BCAR3: variants seen among roughly 807,000 people sequenced by gnomAD.
BCAR3 encodes the protein BCAR3 adaptor protein, NSP family member, also known as breast cancer anti-estrogen resistance protein 3.
In BCAR3, 37 loss-of-function variants were observed where a neutral mutation model predicts 80.1. The observed-to-expected ratio is 0.46, with a 90% confidence interval of 0.36 to 0.61. The LOEUF is 0.61. Among genes scored for constraint, BCAR3 ranks in the 20% least tolerant of loss-of-function variants. The pLI is 0.00. For synonymous variants in BCAR3, 389 were observed against 418.9 expected (o/e 0.93, Z 0.87); for missense variants, 978 against 1,068.2 (o/e 0.92, Z 1.18).
chr1:93,786,309 T>C (rs1338893590), intron 2 of BCAR3, among the ~76,000 whole-genome samples: 1 of 148,786 alleles, frequency 6.7e-6, no homozygotes, highest in Non-Finnish European at 1.5e-5. Flanking sequence ...CCCTGTGGAG[T>C]GCAGAGGACC....
chr1:93,674,552 A>G, intron 2 of BCAR3, 62 bp downstream of exon 2: 1 of 1,561,132 alleles, frequency 6.4e-7, no homozygotes, highest in South Asian at 1.2e-5. Flanking sequence ...GCCCGGCCAT[A>G]AAAACCTTTT....
chr1:93,626,410 A>C (rs1002226426), intron 3 of BCAR3, among the ~76,000 whole-genome samples: 38 of 152,200 alleles, frequency 2.5e-4, no homozygotes, highest in Non-Finnish European at 2.5e-4. Flanking sequence ...TTAAGTAGCA[A>C]AAGACCCTCT....
intron 3 of BCAR3, among the ~76,000 whole-genome samples, chr1:93,635,394 T>C (rs1211133360): frequency 6.6e-6 from 1 of 152,180 alleles, no homozygotes; most frequent in Non-Finnish European, 1.5e-5. Context: ...TACGGACATG[T>C]GTTTTCATAA....
chr1:93,583,645 C>T (rs930510005), intron 6 of BCAR3, among the ~76,000 whole-genome samples: 6 of 152,118 alleles, frequency 3.9e-5, no homozygotes, highest in Admixed American at 1.3e-4. Context: ...CCCGCCCACC[C>T]GGGAAAAGGG....
intron 3 of BCAR3, among the ~76,000 whole-genome samples, chr1:93,631,098 G>T (rs1462426807): frequency 2.0e-5 from 3 of 152,208 alleles, no homozygotes; most frequent in Non-Finnish European, 4.4e-5. Flanking sequence ...GGCTCCAAAG[G>T]TTGCAGGGAG....
Position 93,582,804 on chromosome 1 carries a change from A to T in BCAR3, c.1183T>A (p.Ser395Thr). The change falls in exon 7 of 12, where the codon TCA becomes ACA. Residue 395 changes from serine to threonine, a missense_variant. By Grantham distance (58) the Ser-to-Thr change is moderately conservative. Transcript: ENST00000260502. Reference sequence around the variant, plus strand: ...GGCTTAGGGCACAGTTGACTGTCTGATCCCCTCAGCGCCTCCCCAGCCCTG... The same window carrying T: ...GGCTTAGGGCACAGTTGACTGTCTGTTCCCCTCAGCGCCTCCCCAGCCCTG... ...DARAGEALRG[S>T]DSQLCPKPPP... The T allele has an allele frequency of 2.5e-6, 4 of 1,613,948 alleles. No homozygotes were observed. The highest frequency in any genetic ancestry group is 3.4e-6 in the Non-Finnish European group (4 of 1,180,008).
intron 2 of BCAR3, among the ~76,000 whole-genome samples, chr1:93,708,168 T>C (rs913906723): frequency 4.3e-4 from 66 of 152,176 alleles, no homozygotes; most frequent in African/African-American, 1.5e-3. Context: ...ATATAGAACC[T>C]GAATAGAGAA....
At chr1:93,743,607 T>C (rs1437346317) in intron 2 of BCAR3, among the ~76,000 whole-genome samples, 2 of 152,244 alleles carry the variant, frequency 1.3e-5, no homozygotes, top group Non-Finnish European at 2.9e-5. Flanking sequence ...TTGAGACACC[T>C]GTCTAATTTG....
At chr1:93,729,011 C>G (rs1438322110) in intron 2 of BCAR3, among the ~76,000 whole-genome samples, 1 of 152,162 alleles carries the variant, frequency 6.6e-6, no homozygotes. Flanking sequence ...TTAAAAGGAC[C>G]ATGCTCTTCC....
chr1:93,616,763 G>A (rs1675141124), intron 3 of BCAR3, among the ~76,000 whole-genome samples: 1 of 152,190 alleles, frequency 6.6e-6, no homozygotes, highest in Non-Finnish European at 1.5e-5. Context: ...TTCGGGATAG[G>A]GGAGGGCATT....
chr1:93,674,715 G>A lies in BCAR3; in HGVS notation c.216C>T (p.Thr72=), dbSNP rs1010012855. ...RSCDDFSHMG[T]LPHSKSPRQN... ...GCCGTGGGGATTTGGAGTGGGGGAGGGTGCCCATGTGACTGAAGTCATCAC... is the reference window on the plus strand; with the variant it reads ...GCCGTGGGGATTTGGAGTGGGGGAGAGTGCCCATGTGACTGAAGTCATCAC... The change falls in exon 2 of 12, where the codon ACC becomes ACT. Residue 72 remains threonine, a synonymous_variant. Coordinates refer to ENST00000260502, the MANE Select transcript of BCAR3 (RefSeq NM_003567.4). The A allele has an allele frequency of 1.9e-6, 3 of 1,614,026 alleles. No homozygotes were observed. Among genetic ancestry groups the A allele is most frequent in the African/African-American group, 1.3e-5 (1 of 75,010 alleles).
chr1:93,775,874 A>G (rs11799798), intron 2 of BCAR3, among the ~76,000 whole-genome samples: 2,734 of 152,328 alleles, frequency 0.018, 74 homozygotes, highest in African/African-American at 0.063. Context: ...GACTCCAGGA[A>G]GTAGAACTGG....
chr1:93,834,029 T>A (rs957302679), intron 2 of BCAR3, among the ~76,000 whole-genome samples: 1 of 152,186 alleles, frequency 6.6e-6, no homozygotes, highest in African/African-American at 2.4e-5. Flanking sequence ...CAAATGTCCA[T>A]GAAATCTTCA....
rs762390483 is a variant in BCAR3, at chr1:93,582,330, C to T, written c.1657G>A (p.Ala553Thr). 7 of 1,614,080 alleles carry T rather than the reference C, an allele frequency of 4.3e-6. No individual in the cohort carries two copies. The highest frequency in any genetic ancestry group is 2.2e-5 in the East Asian group (1 of 44,876). The part of the protein sequence containing the change: ...LFTNNDPKVI[A>T]QHVLSMDCRV... Reference sequence around the variant, plus strand: ...CAGTCCATGCTCAGTACGTGCTGGGCGATGACCTTGGGGTCGTTGTTGGTG... The same window carrying T: ...CAGTCCATGCTCAGTACGTGCTGGGTGATGACCTTGGGGTCGTTGTTGGTG... The change falls in exon 7 of 12, where the codon GCC (alanine) becomes ACC (threonine). Residue 553 changes from alanine to threonine, a missense_variant. Transcript: ENST00000260502.
intron 2 of BCAR3, among the ~76,000 whole-genome samples, chr1:93,831,956 A>C (rs1202696987): frequency 6.6e-6 from 1 of 152,096 alleles, no homozygotes; most frequent in Non-Finnish European, 1.5e-5. Context: ...TTTTTCATCA[A>C]ATATAAACAC....
intron 7 of BCAR3, among the ~76,000 whole-genome samples, chr1:93,581,581 T>C (rs2101828272): frequency 6.6e-6 from 1 of 152,286 alleles, no homozygotes; most frequent in Middle Eastern, 3.4e-3. Context: ...CAGCTAATTT[T>C]GTATTTTTAG....
intron 2 of BCAR3, chr1:93,754,325 A>G (rs1651675147): frequency 6.6e-6 from 1 of 152,238 alleles, no homozygotes; most frequent in East Asian, 1.9e-4. Flanking sequence ...TTTAACTCCA[A>G]ATCGCAGGCC....
chr1:93,597,988 CCA>C (rs1484279489), intron 3 of BCAR3, among the ~76,000 whole-genome samples: 2 of 152,234 alleles, frequency 1.3e-5, no homozygotes, highest in Admixed American at 6.5e-5. Flanking sequence ...CCCAGCAAGT[CCA>C]GTCTTGACAG....
At chr1:93,736,581 ATG>A (rs1354075819) in intron 2 of BCAR3, among the ~76,000 whole-genome samples, 2 of 152,256 alleles carry the variant, frequency 1.3e-5, no homozygotes, top group Admixed American at 1.3e-4. Context: ...AGACAGAAAT[ATG>A]TGTGATTCCT....
Sources: gnomAD v4.1 joint callset for allele counts (sites outside exome capture counted in the v4.1 genomes callset) on GRCh38, gnomAD v4.1.1 for gene constraint, MANE v1.5 for transcripts, NCBI Gene and HGNC (gene_info 2026-07-23, HGNC 2026-07-21) for gene names.